Variants in CAPZB observed in about 807,000 individuals in gnomAD.
CAPZB encodes F-actin-capping protein subunit beta.
CAPZB carries 2 observed loss-of-function variants against 38.1 expected under a neutral mutation model. The ratio of observed to expected loss-of-function variants is 0.05; its 90% confidence interval spans 0.02 to 0.17. The LOEUF (loss-of-function observed/expected upper bound fraction) is 0.17, where lower values mean the gene tolerates loss of function less well. Ranked by LOEUF, CAPZB falls within the 10% of genes least tolerant of loss-of-function variation. The pLI is 1.00. For missense variants in CAPZB, 161 were observed against 334.2 expected (o/e 0.48, Z 4.04); for synonymous variants, 107 against 127.4 (o/e 0.84, Z 1.08).
chr1:19,480,397 A>G (rs2094623599), intron 1 of CAPZB, among the ~76,000 whole-genome samples: 1 of 152,190 alleles, frequency 6.6e-6, no homozygotes, highest in Admixed American at 6.5e-5. Context: ...CCTCACTGAC[A>G]GTCACATGCT....
At chr1:19,454,314 G>A (rs376274626) in intron 1 of CAPZB, among the ~76,000 whole-genome samples, 3 of 152,178 alleles carry the variant, frequency 2.0e-5, no homozygotes, top group East Asian at 1.9e-4. Flanking sequence ...TGCTGGCCAC[G>A]TAAGATGTAA....
At position 19,425,439 on chromosome 1, in the gene CAPZB, C is replaced by T. The variant is rs376700898; in HGVS notation, c.4-5689G>A. ...ATGGAGCTTATGGTGCAGTCAAAAT[C>T]AGTGTGGAAAAAAAAAATCAAGGAA... On this transcript the variant is annotated intron_variant, in intron 1 of 8. Coordinates refer to ENST00000264202, the MANE Select transcript of CAPZB (RefSeq NM_004930.5). Among the ~76,000 whole-genome samples, 155 of 151,742 alleles carry T rather than the reference C, an allele frequency of 1.0e-3. 1 individual carries two copies. The South Asian group carries it at 0.011, about 11-fold the overall frequency.
chr1:19,419,993 A>G (rs1394744438), intron 1 of CAPZB: 6 of 480,258 alleles, frequency 1.2e-5, no homozygotes, highest in African/African-American at 1.2e-4. Flanking sequence ...AAGAAGTGGA[A>G]GCAGGCTGGA....
intron 2 of CAPZB, among the ~76,000 whole-genome samples, chr1:19,396,942 ACT>A (rs1166879778): frequency 2.0e-5 from 3 of 151,494 alleles, no homozygotes; most frequent in African/African-American, 4.9e-5. Context: ...GACAGAGAGG[ACT>A]CTGTCTCAAA....
At chr1:19,369,882 GC>G (rs1299507397) in intron 4 of CAPZB, among the ~76,000 whole-genome samples, 1 of 152,188 alleles carries the variant, frequency 6.6e-6, no homozygotes, top group Non-Finnish European at 1.5e-5. Context: ...GCCGTTTCCA[GC>G]GGTGGAAAAA....
chr1:19,353,438 A>G lies in CAPZB; in HGVS notation c.588+3197T>C, dbSNP rs537967175. Among the ~76,000 whole-genome samples, 10 of 143,856 alleles carry G rather than the reference A, an allele frequency of 7.0e-5. No homozygotes were observed. The East Asian group carries it at 9.3e-4, about 13-fold the overall frequency. 94.4% of individuals were successfully genotyped at this position (143,856 alleles called of 152,430 possible). On this transcript the variant is annotated intron_variant, in intron 6 of 8. Coordinates refer to ENST00000264202, the MANE Select transcript of CAPZB (RefSeq NM_004930.5). The stretch of plus-strand genomic sequence containing the variant: ...TGGTCGTCCAGCCCCTGACCACGCC[A>G]CGCCAGAATGCCCCCCAGCCTGCCC...
At chr1:19,386,714 C>G (rs974869749) in intron 2 of CAPZB, among the ~76,000 whole-genome samples, 10 of 152,354 alleles carry the variant, frequency 6.6e-5, no homozygotes, top group Admixed American at 2.6e-4. Context: ...GGCTCCTCTG[C>G]TGCCCCTCCA....
At chr1:19,465,511 A>G (rs1558287249) in intron 1 of CAPZB, among the ~76,000 whole-genome samples, 1 of 152,216 alleles carries the variant, frequency 6.6e-6, no homozygotes. Context: ...ATATATTTTT[A>G]TTTTTGAAAC....
chr1:19,431,528 T>C (rs1411927617), intron 1 of CAPZB, among the ~76,000 whole-genome samples: 1 of 151,990 alleles, frequency 6.6e-6, no homozygotes, highest in Non-Finnish European at 1.5e-5. Flanking sequence ...AAGACCATCC[T>C]GGCTAACACG....
At position 19,439,305 on chromosome 1, in the gene CAPZB, C is replaced by A. The variant is rs114973471; in HGVS notation, c.4-19555G>T. Among the ~76,000 whole-genome samples the A allele has an allele frequency of 9.5e-3, 1,447 of 152,302 alleles. 17 individuals are homozygous for A. The highest frequency in any genetic ancestry group is 0.027 in the South Asian group (129 of 4,818). On this transcript the variant is annotated intron_variant, in intron 1 of 8. Transcript: ENST00000264202. ...AAACCATCTTAGACAACTATAACCT[C>A]CTTCCTGTAGAACATACCCATGTAC...
chr1:19,405,007 C>T (rs570836308), intron 2 of CAPZB, among the ~76,000 whole-genome samples: 2 of 152,280 alleles, frequency 1.3e-5, no homozygotes, highest in East Asian at 3.9e-4. Flanking sequence ...TAACTCATGA[C>T]TCCGTGACCT....
At chr1:19,443,264 C>T (rs1261538622) in intron 1 of CAPZB, among the ~76,000 whole-genome samples, 2 of 151,726 alleles carry the variant, frequency 1.3e-5, no homozygotes, top group South Asian at 4.2e-4. Context: ...GGCATGGTAG[C>T]GCGTGCCTGT....
chr1:19,429,731 GAC>G (rs1345283804), intron 1 of CAPZB, among the ~76,000 whole-genome samples: 1 of 152,120 alleles, frequency 6.6e-6, no homozygotes. Flanking sequence ...TCCCTCACTT[GAC>G]ACAGGTTTTC....
chr1:19,437,709 G>A (rs1313844767), intron 1 of CAPZB, among the ~76,000 whole-genome samples: 1 of 152,136 alleles, frequency 6.6e-6, no homozygotes, highest in Non-Finnish European at 1.5e-5. Context: ...GCTCCCGCCA[G>A]CCCAGGGAAA....
chr1:19,379,474 A>T (rs1467494439), intron 3 of CAPZB, among the ~76,000 whole-genome samples: 2 of 152,174 alleles, frequency 1.3e-5, no homozygotes, highest in Non-Finnish European at 2.9e-5. Flanking sequence ...CATAAACTTT[A>T]AGACCTTCTT....
intron 1 of CAPZB, among the ~76,000 whole-genome samples, chr1:19,467,600 T>C (rs1014926021): frequency 6.6e-5 from 10 of 152,216 alleles, no homozygotes; most frequent in Non-Finnish European, 1.5e-5. Context: ...ACTATCAGAA[T>C]GGCCTCCCTC....
chr1:19,342,715 T>A (rs1391161335), intron 8 of CAPZB: 1 of 1,344,968 alleles, frequency 7.4e-7, no homozygotes, highest in South Asian at 1.2e-5. Flanking sequence ...GAGTCCTGTT[T>A]TAGTGGGGAG....
intron 1 of CAPZB, among the ~76,000 whole-genome samples, chr1:19,428,492 G>C (rs16862754): frequency 0.02 from 3,090 of 152,062 alleles, 113 homozygotes; most frequent in African/African-American, 0.07. Flanking sequence ...AGGTCATTTG[G>C]ATTACCGTGA....
intron 1 of CAPZB, among the ~76,000 whole-genome samples, chr1:19,432,152 T>C (rs1286202354): frequency 1.3e-5 from 2 of 151,708 alleles, no homozygotes; most frequent in East Asian, 3.9e-4. Flanking sequence ...AATATTTATA[T>C]ATTGTCCAGA....
Sources: allele counts gnomAD v4.1 joint callset (sites outside exome capture counted in the v4.1 genomes callset), GRCh38; gene constraint gnomAD v4.1.1; transcripts MANE v1.5; gene names NCBI Gene and HGNC (gene_info 2026-07-23, HGNC 2026-07-21).